KCNT2: variants seen among roughly 807,000 people sequenced by gnomAD.
The protein encoded by KCNT2 is potassium sodium-activated channel subfamily T member 2.
KCNT2 carries 67 observed loss-of-function variants against 153.8 expected under a neutral mutation model. That is an observed-to-expected ratio of 0.44 (90% confidence interval 0.36 to 0.53). The LOEUF is 0.53. Ranked by LOEUF, KCNT2 falls within the 20% of genes least tolerant of loss-of-function variation. The pLI, the probability that KCNT2 is intolerant of heterozygous loss-of-function variation, is 0.00. For synonymous variants in KCNT2, 500 were observed against 458.8 expected (o/e 1.09, Z -1.15); for missense variants, 975 against 1,354.8 (o/e 0.72, Z 4.40).
intron 1 of KCNT2, among the ~76,000 whole-genome samples, chr1:196,553,680 A>C (rs1331781061): frequency 6.6e-6 from 1 of 151,282 alleles, no homozygotes; most frequent in Non-Finnish European, 1.5e-5. Flanking sequence ...ATGGCTGCAC[A>C]ATATGCATTC....
chr1:196,379,571 CTCTCTCT>C (rs1669294294), intron 13 of KCNT2, among the ~76,000 whole-genome samples: 2 of 54,402 alleles, frequency 3.7e-5, no homozygotes, highest in Admixed American at 3.6e-4. Flanking sequence ...GACTTTCTCT[CTCTCTCT>C]CTCTCTCTCT....
intron 1 of KCNT2, among the ~76,000 whole-genome samples, chr1:196,578,940 G>T (rs1426491022): frequency 6.6e-6 from 1 of 152,072 alleles, no homozygotes; most frequent in Non-Finnish European, 1.5e-5. Flanking sequence ...GCAAAATGGA[G>T]AGGAAAGTAC....
intron 27 of KCNT2, among the ~76,000 whole-genome samples, chr1:196,233,656 T>C (rs1009290875): frequency 1.3e-5 from 2 of 151,432 alleles, no homozygotes; most frequent in Non-Finnish European, 3.0e-5. Flanking sequence ...TTTGAATGGA[T>C]GGATGAAGAA....
rs140715106 is a variant in KCNT2, at chr1:196,392,281, C to T, written c.1294+6282G>A. ...GGAATGGCATAAAAAATTAAAGATT[C>T]TCCAGACAGTGCTGGGCTTGAACAT... On this transcript the variant is annotated intron_variant, in intron 13 of 27. Coordinates refer to ENST00000294725, the MANE Select transcript of KCNT2 (RefSeq NM_198503.5). 5.2e-4 allele frequency among the ~76,000 whole-genome samples: 79 copies of T among 151,162 alleles called. 2 individuals carry two copies. The East Asian group carries it at 0.015, about 28-fold the overall frequency.
chr1:196,287,912 T>C (rs183400091), intron 22 of KCNT2, among the ~76,000 whole-genome samples: 1 of 152,080 alleles, frequency 6.6e-6, no homozygotes, highest in East Asian at 1.9e-4. Flanking sequence ...AATAGCAAAA[T>C]AGGCAAAAAC....
chr1:196,511,175 T>C (rs966798750), intron 1 of KCNT2, among the ~76,000 whole-genome samples: 1 of 150,668 alleles, frequency 6.6e-6, no homozygotes, highest in Non-Finnish European at 1.5e-5. Flanking sequence ...AAAACATGCA[T>C]GGCTTAGCAA....
intron 8 of KCNT2, among the ~76,000 whole-genome samples, chr1:196,432,431 A>C (rs2148553212): frequency 6.6e-6 from 1 of 152,200 alleles, no homozygotes; most frequent in South Asian, 2.1e-4. Context: ...AACTCCGTAA[A>C]CGCTGCTGTG....
At chr1:196,536,897 C>A (rs1326382536) in intron 1 of KCNT2, among the ~76,000 whole-genome samples, 1 of 152,196 alleles carries the variant, frequency 6.6e-6, no homozygotes, top group Non-Finnish European at 1.5e-5. Flanking sequence ...TCCTGCCACA[C>A]TCTCATGAGC....
intron 13 of KCNT2, among the ~76,000 whole-genome samples, chr1:196,380,694 T>G (rs1039130739): frequency 1.3e-5 from 2 of 152,186 alleles, no homozygotes; most frequent in African/African-American, 4.8e-5. Context: ...GGGAAAAAGT[T>G]TATTAAATAG....
intron 5 of KCNT2, among the ~76,000 whole-genome samples, chr1:196,471,205 C>A (rs1352910114): frequency 6.6e-6 from 1 of 152,004 alleles, no homozygotes; most frequent in Non-Finnish European, 1.5e-5. Context: ...TTGCGCCCGG[C>A]CCCTAATTTC....
rs1157379658 is a variant in KCNT2, at chr1:196,284,266, T to A, written c.2697+1391A>T. Among the ~76,000 whole-genome samples, 57 of 66,950 alleles carry A rather than the reference T, an allele frequency of 8.5e-4. 7 individuals are homozygous for A. The highest frequency in any genetic ancestry group is 0.011 in the Middle Eastern group (1 of 92). 43.9% of individuals were successfully genotyped at this position (66,950 alleles called of 152,430 possible). A position where few individuals can be genotyped will look rare whatever the true frequency, so the allele number is the denominator to read the frequency against. Reference sequence around the variant, plus strand: ...AAAAAAAAATATATATATATATATATATATATATATATAGTTCTAGTTCAC... The same window carrying A: ...AAAAAAAAATATATATATATATATAAATATATATATATAGTTCTAGTTCAC... On this transcript the variant is annotated intron_variant, in intron 23 of 27. Coordinates refer to ENST00000294725, the MANE Select transcript of KCNT2 (RefSeq NM_198503.5).
chr1:196,409,897 A>G (rs939041029), intron 12 of KCNT2, among the ~76,000 whole-genome samples: 3 of 151,750 alleles, frequency 2.0e-5, no homozygotes, highest in African/African-American at 4.8e-5. Context: ...CTGCTTCACT[A>G]TTTTATATAT....
intron 5 of KCNT2, among the ~76,000 whole-genome samples, chr1:196,471,510 A>G (rs1678106772): frequency 6.6e-6 from 1 of 151,936 alleles, no homozygotes; most frequent in Admixed American, 6.6e-5. Flanking sequence ...TTTCTCTTCC[A>G]CTATTGTATT....
chr1:196,257,174 T>A lies in KCNT2; in HGVS notation c.3211+1020A>T, dbSNP rs116621025. 2.3e-3 allele frequency: 2,108 copies of A among 904,744 alleles called. 34 individuals are homozygous for A. In the African/African-American group the frequency reaches 0.036, roughly 15 times the overall value. 56.0% of individuals were successfully genotyped at this position (904,744 alleles called of 1,614,324 possible). A position where few individuals can be genotyped will look rare whatever the true frequency, so the allele number is the denominator to read the frequency against. ...CCTATCAAATCAGGGTTATAAAGAG[T>A]AACAAGAATATACACATAAAGCACC... is the stretch of plus-strand genomic sequence containing the variant. On this transcript the variant is annotated intron_variant, in intron 26 of 27. Transcript: ENST00000294725.
intron 21 of KCNT2, among the ~76,000 whole-genome samples, chr1:196,310,928 C>G (rs1221574350): frequency 6.6e-6 from 1 of 151,788 alleles, no homozygotes; most frequent in East Asian, 1.9e-4. Context: ...CCTCCTCGCA[C>G]CAGTCTTCCT....
chr1:196,433,943 TTGTG>T (rs1211323382), intron 8 of KCNT2, among the ~76,000 whole-genome samples: 5 of 151,960 alleles, frequency 3.3e-5, no homozygotes, highest in South Asian at 2.1e-4. Flanking sequence ...TTTACAACTG[TTGTG>T]TGTGTTTATT....
intron 15 of KCNT2, 37 bp from the exon 16 acceptor site, chr1:196,340,607 A>G (rs1191899796): frequency 1.6e-6 from 2 of 1,258,254 alleles, no homozygotes; most frequent in Admixed American, 4.6e-5. Flanking sequence ...TAAGAAAATT[A>G]GTAAATTATT....
At chr1:196,601,792 A>ATT (rs1229842581) in intron 1 of KCNT2, among the ~76,000 whole-genome samples, 1 of 152,182 alleles carries the variant, frequency 6.6e-6, no homozygotes, top group Non-Finnish European at 1.5e-5. Context: ...CCCATACTGC[A>ATT]TTTTTATTCC....
intron 5 of KCNT2, among the ~76,000 whole-genome samples, chr1:196,471,486 T>A (rs181120775): frequency 2.0e-5 from 3 of 152,318 alleles, no homozygotes; most frequent in Admixed American, 1.3e-4. Flanking sequence ...ATTTCCAGAA[T>A]GTTATCCTTT....
Sources: gnomAD v4.1 joint callset for allele counts (sites outside exome capture counted in the v4.1 genomes callset) on GRCh38, gnomAD v4.1.1 for gene constraint, MANE v1.5 for transcripts, NCBI Gene and HGNC (gene_info 2026-07-23, HGNC 2026-07-21) for gene names.